LRRC7: variants seen among roughly 807,000 people sequenced by gnomAD.
LRRC7 encodes the protein leucine-rich repeat-containing protein 7.
Under a neutral mutation model 175.7 loss-of-function variants are expected in LRRC7, and 23 were observed. That is an observed-to-expected ratio of 0.13 (90% confidence interval 0.09 to 0.19). LRRC7 has a LOEUF of 0.19. Among genes scored for constraint, LRRC7 ranks in the 10% least tolerant of loss-of-function variants. The probability of loss-of-function intolerance (pLI) is 1.00; values close to 1 mark genes in which losing one functional copy is unlikely to be tolerated. For missense variants in LRRC7, 1,354 were observed against 1,904.7 expected (o/e 0.71, Z 5.38); for synonymous variants, 685 against 680.9 (o/e 1.01, Z -0.09).
intron 2 of LRRC7, among the ~76,000 whole-genome samples, chr1:69,681,597 G>T (rs1007266094): frequency 2.0e-5 from 3 of 152,122 alleles, no homozygotes; most frequent in Non-Finnish European, 2.9e-5. Context: ...GTGGAAGACA[G>T]ATTTTTAAAC....
chr1:69,655,111 C>T (rs1367412502), intron 1 of LRRC7, among the ~76,000 whole-genome samples: 1 of 151,980 alleles, frequency 6.6e-6, no homozygotes, highest in African/African-American at 2.4e-5. Flanking sequence ...TATGAACTTG[C>T]TCAGGTTCTG....
At chr1:69,571,526 T>G (rs1038928547) in intron 1 of LRRC7, among the ~76,000 whole-genome samples, 1 of 152,194 alleles carries the variant, frequency 6.6e-6, no homozygotes, top group African/African-American at 2.4e-5. Context: ...CTATATGATG[T>G]TCATTCCAGT....
At chr1:69,777,482 A>G (rs1319385341) in intron 3 of LRRC7, among the ~76,000 whole-genome samples, 2 of 152,192 alleles carry the variant, frequency 1.3e-5, no homozygotes, top group East Asian at 3.9e-4. Flanking sequence ...TCAGTGCCAC[A>G]GTGAAGACTC....
At chr1:69,810,661 A>G (rs1030492029) in intron 4 of LRRC7, among the ~76,000 whole-genome samples, 2 of 152,198 alleles carry the variant, frequency 1.3e-5, no homozygotes, top group African/African-American at 4.8e-5. Context: ...TGATGAAAAC[A>G]AGCAATGGGG....
At chr1:69,685,894 T>C (rs1382183227) in intron 2 of LRRC7, among the ~76,000 whole-genome samples, 1 of 144,900 alleles carries the variant, frequency 6.9e-6, no homozygotes, top group Admixed American at 6.8e-5. Context: ...CCAAAGAAGA[T>C]AAACCAAAAA....
chr1:70,038,978 A>G lies in LRRC7; in HGVS notation c.3154A>G (p.Lys1052Glu). 1 of 1,614,016 alleles carries G rather than the reference A, an allele frequency of 6.2e-7. No individual in the cohort carries two copies. The highest frequency in any genetic ancestry group is 8.5e-7 in the Non-Finnish European group (1 of 1,179,980). Residue 1052 changes from lysine to glutamate, a missense_variant, in exon 21 of 27, where the codon AAG becomes GAG. Physicochemically the swap from Lys to Glu is moderately conservative, Grantham distance 56. Transcript: ENST00000651989. ...TGAGATGCTCACCTACGGAAGTAGT[A>G]AGGGGCCACAACAACAAAAAGCTTC... is the stretch of plus-strand genomic sequence containing the variant. ...DDEMLTYGSS[K>E]GPQQQKASMT... is the part of the protein sequence containing the mutation.
intron 7 of LRRC7, among the ~76,000 whole-genome samples, chr1:69,906,322 G>T (rs1163437289): frequency 6.6e-6 from 1 of 152,176 alleles, no homozygotes; most frequent in Non-Finnish European, 1.5e-5. Flanking sequence ...TTTTAGACAT[G>T]AAGTCCTTGC....
chr1:70,135,667 T>C lies in LRRC7; in HGVS notation c.*13780T>C, dbSNP rs1302064531. 6.6e-6 allele frequency among the ~76,000 whole-genome samples: 1 copy of C among 152,208 alleles called. No individual in the cohort carries two copies. The highest frequency in any genetic ancestry group is 2.4e-5 in the African/African-American group (1 of 41,452). ...TCACTTTTATTGATGATCATTAAGC[T>C]AGAATCTGTAAAAGAGAAAGTTGTT... is the stretch of plus-strand genomic sequence containing the variant. On this transcript the variant is annotated 3_prime_UTR_variant, in exon 27 of 27. Transcript: ENST00000651989.
intron 7 of LRRC7, among the ~76,000 whole-genome samples, chr1:69,920,525 A>G (rs1264958534): frequency 6.6e-6 from 1 of 152,158 alleles, no homozygotes; most frequent in Non-Finnish European, 1.5e-5. Context: ...TCCTTAATAC[A>G]CTGAAGCATA....
intron 23 of LRRC7, 101 bp downstream of exon 23, chr1:70,053,246 A>C: frequency 8.6e-7 from 1 of 1,166,884 alleles, no homozygotes. Context: ...TAAGTTTGTG[A>C]TAACTTTAAG....
intron 24 of LRRC7, among the ~76,000 whole-genome samples, chr1:70,077,206 A>G (rs373318797): frequency 8.5e-5 from 13 of 152,096 alleles, no homozygotes; most frequent in Non-Finnish European, 1.5e-4. Flanking sequence ...GCCATTTATC[A>G]TTTGGATTCC....
At chr1:69,647,671 G>T (rs899869378) in intron 1 of LRRC7, among the ~76,000 whole-genome samples, 1 of 151,708 alleles carries the variant, frequency 6.6e-6, no homozygotes, top group African/African-American at 2.4e-5. Flanking sequence ...ATATCTTTCA[G>T]TTCTTCAAAT....
At chr1:69,848,277 T>C (rs1184509873) in intron 7 of LRRC7, among the ~76,000 whole-genome samples, 1 of 152,030 alleles carries the variant, frequency 6.6e-6, no homozygotes, top group Admixed American at 6.6e-5. Context: ...TGTAACTCCA[T>C]GGTTCAACTG....
intron 26 of LRRC7, 50 bp from the exon 27 acceptor site, chr1:70,121,730 C>A: frequency 8.5e-7 from 1 of 1,181,384 alleles, no homozygotes; most frequent in Non-Finnish European, 1.2e-6. Flanking sequence ...AACAACGATA[C>A]AGTGATAATA....
chr1:69,971,541 A>T (rs1310784530), intron 8 of LRRC7, among the ~76,000 whole-genome samples: 4 of 152,182 alleles, frequency 2.6e-5, no homozygotes, highest in Non-Finnish European at 5.9e-5. Context: ...AACAAACAAA[A>T]TACTTAGAAA....
Position 69,663,655 on chromosome 1 carries a change from G to C in LRRC7, c.3-14726G>C, listed in dbSNP as rs1224271530. 5.4e-5 allele frequency among the ~76,000 whole-genome samples: 8 copies of C among 146,972 alleles called. No individual in the cohort carries two copies. The South Asian group carries it at 1.3e-3, about 24-fold the overall frequency. ...CCCTCACTACCCAGCCCAGTCTCTG[G>C]TAACCATCGTCCTACTCTCTGTCTC... On this transcript the variant is annotated intron_variant, in intron 1 of 26. Coordinates refer to ENST00000651989, the MANE Select transcript of LRRC7 (RefSeq NM_001370785.2).
intron 1 of LRRC7, among the ~76,000 whole-genome samples, chr1:69,572,873 ATG>A (rs908585684): frequency 6.6e-6 from 1 of 151,626 alleles, no homozygotes; most frequent in African/African-American, 2.4e-5. Flanking sequence ...TGTGTGGGGT[ATG>A]TGTGTGTGTG....
chr1:69,729,144 C>T (rs945409715), intron 2 of LRRC7, among the ~76,000 whole-genome samples: 3 of 152,154 alleles, frequency 2.0e-5, no homozygotes, highest in African/African-American at 7.2e-5. Context: ...CCCACTAGGT[C>T]CCTTCCAAAA....
At chr1:69,764,754 T>C (rs567012918) in intron 3 of LRRC7, among the ~76,000 whole-genome samples, 12 of 146,702 alleles carry the variant, frequency 8.2e-5, no homozygotes, top group Middle Eastern at 3.4e-3. Context: ...GATAGATAGA[T>C]AGATAGATAG....
Sources: gnomAD v4.1 joint callset for allele counts (sites outside exome capture counted in the v4.1 genomes callset) on GRCh38, gnomAD v4.1.1 for gene constraint, MANE v1.5 for transcripts, NCBI Gene and HGNC (gene_info 2026-07-23, HGNC 2026-07-21) for gene names.